The following DCT variants were observed in gnomAD, a reference collection of about 807,000 sequenced individuals.
DCT encodes the protein dopachrome tautomerase, also known as L-dopachrome tautomerase.
A neutral mutation model predicts 53.0 loss-of-function variants in DCT; 47 were observed. The ratio of observed to expected loss-of-function variants is 0.89; its 90% CI spans 0.70 to 1.13. DCT has a LOEUF of 1.13. Among genes scored for constraint, DCT ranks in the 50% most tolerant of loss-of-function variants. The pLI, the probability that DCT is intolerant of heterozygous loss-of-function variation, is 0.00. For synonymous variants in DCT, 244 were observed against 237.0 expected, an observed-to-expected ratio of 1.03 and a Z score of -0.27; for missense variants, 669 against 637.4, an observed-to-expected ratio of 1.05 and a Z score of -0.53.
the DCT span, among the ~76,000 whole-genome samples, chr13:94,500,345 A>G: frequency 1.3e-5 from 2 of 152,226 alleles, no homozygotes; most frequent in South Asian, 4.1e-4. Context: ...AGCCAACAAC[A>G]GGGGGAGCCC....
chr13:94,543,750 A>C, the DCT span, among the ~76,000 whole-genome samples: 1 of 152,146 alleles, frequency 6.6e-6, no homozygotes, highest in African/African-American at 2.4e-5. Context: ...AACTGAACAA[A>C]ATGGCCAGGC....
At chr13:94,501,194 G>A in the DCT span, among the ~76,000 whole-genome samples, 21 of 152,226 alleles carry the variant, frequency 1.4e-4, no homozygotes, top group African/African-American at 4.3e-4. Context: ...GCGTGAACCC[G>A]GGAGGCGGAG....
chr13:94,510,638 T>C, the DCT span, among the ~76,000 whole-genome samples: 1 of 152,388 alleles, frequency 6.6e-6, no homozygotes, highest in East Asian at 1.9e-4. Flanking sequence ...AAATTATATA[T>C]GTGGCTTATG....
intron 4 of DCT, among the ~76,000 whole-genome samples, chr13:94,464,663 A>C (rs1324158394): frequency 3.9e-5 from 6 of 152,076 alleles, no homozygotes; most frequent in Non-Finnish European, 8.8e-5. Flanking sequence ...ACAAAAAACA[A>C]AAAACAAAAC....
chr13:94,533,623 A>G, the DCT span, among the ~76,000 whole-genome samples: 2 of 152,150 alleles, frequency 1.3e-5, no homozygotes, highest in African/African-American at 4.8e-5. Flanking sequence ...TGTCTCTACT[A>G]AAAATTAAAA....
At chr13:94,484,116 G>A (rs1484217281), upstream of DCT, among the ~76,000 whole-genome samples, 1 of 152,150 alleles carries the variant, frequency 6.6e-6, no homozygotes, top group East Asian at 1.9e-4. Flanking sequence ...TGACTGTGCT[G>A]TACACTGTGT....
chr13:94,518,666 C>T, the DCT span, among the ~76,000 whole-genome samples: 3 of 152,206 alleles, frequency 2.0e-5, no homozygotes, highest in Non-Finnish European at 4.4e-5. Context: ...ATAGCCTCTG[C>T]ACACGTCTCT....
At chr13:94,443,290 T>C (rs1410204456) in intron 7 of DCT, 146 bp downstream of exon 7, 2 of 641,466 alleles carry the variant, frequency 3.1e-6, no homozygotes, top group Admixed American at 2.8e-5. Flanking sequence ...GCTAAATACG[T>C]ATATGCTAGA....
chr13:94,487,842 C>T, the DCT span, among the ~76,000 whole-genome samples: 1 of 151,690 alleles, frequency 6.6e-6, no homozygotes, highest in Non-Finnish European at 1.5e-5. Flanking sequence ...GACATCTGTC[C>T]TGATAAGAGT....
At chr13:94,501,038 G>A in the DCT span, among the ~76,000 whole-genome samples, 2 of 151,742 alleles carry the variant, frequency 1.3e-5, no homozygotes, top group Non-Finnish European at 2.9e-5. Context: ...AGGCTGAGGC[G>A]GGCAGATCAC....
At chr13:94,493,907 A>G in the DCT span, among the ~76,000 whole-genome samples, 1 of 152,232 alleles carries the variant, frequency 6.6e-6, no homozygotes, top group Non-Finnish European at 1.5e-5. Context: ...CAAGTTAATG[A>G]TTGTATCAAC....
intron 6 of DCT, among the ~76,000 whole-genome samples, chr13:94,455,000 T>C (rs1387948339): frequency 6.6e-6 from 1 of 152,190 alleles, no homozygotes; most frequent in Non-Finnish European, 1.5e-5. Context: ...GATGATTAAA[T>C]GTCTTATATC....
chr13:94,547,568 AC>A, the DCT span, among the ~76,000 whole-genome samples: 1 of 152,036 alleles, frequency 6.6e-6, no homozygotes, highest in Non-Finnish European at 1.5e-5. Flanking sequence ...CACTAACATT[AC>A]CTTGGGCAGA....
upstream of DCT, among the ~76,000 whole-genome samples, chr13:94,483,449 T>C (rs1190711278): frequency 6.6e-6 from 1 of 151,628 alleles, no homozygotes; most frequent in East Asian, 1.9e-4. Context: ...CTCCCTTTTT[T>C]TTTTTTCCAG....
the DCT span, among the ~76,000 whole-genome samples, chr13:94,537,642 A>C: frequency 2.0e-5 from 3 of 152,126 alleles, 1 homozygote; most frequent in Admixed American, 1.3e-4. Flanking sequence ...AGAAAAAAAA[A>C]CAAATAAAAA....
intron 1 of DCT, among the ~76,000 whole-genome samples, chr13:94,477,622 G>A (rs1042373573): frequency 4.0e-5 from 6 of 150,838 alleles, no homozygotes; most frequent in Non-Finnish European, 7.4e-5. Context: ...ACCTGCACTT[G>A]TATCCCCAGG....
the DCT span, among the ~76,000 whole-genome samples, chr13:94,531,646 T>C: frequency 6.6e-6 from 1 of 152,132 alleles, no homozygotes; most frequent in Non-Finnish European, 1.5e-5. Context: ...CAACTCAAGA[T>C]GGATTAAAGA....
chr13:94,526,490 G>T, the DCT span, among the ~76,000 whole-genome samples: 1 of 152,124 alleles, frequency 6.6e-6, no homozygotes, highest in Non-Finnish European at 1.5e-5. Flanking sequence ...TTAAAAATTA[G>T]CTGGGCATGG....
chr13:94,525,540 A>G, the DCT span, among the ~76,000 whole-genome samples: 1 of 152,174 alleles, frequency 6.6e-6, no homozygotes, highest in Non-Finnish European at 1.5e-5. Context: ...CATGTCACAG[A>G]GACACCCTGC....
Sources: allele counts gnomAD v4.1 joint callset (sites outside exome capture counted in the v4.1 genomes callset), GRCh38; gene constraint gnomAD v4.1.1; transcripts MANE v1.5; gene names NCBI Gene and HGNC (gene_info 2026-07-23, HGNC 2026-07-21).